The following CENPE variants were observed in gnomAD, a reference collection of about 807,000 sequenced individuals.
CENPE encodes the protein centromere-associated protein E.
Under a neutral mutation model 336.1 loss-of-function variants are expected in CENPE, and 145 were observed. The ratio of observed to expected loss-of-function variants is 0.43; its 90% CI spans 0.38 to 0.50. The LOEUF (loss-of-function observed/expected upper bound fraction) is 0.50. Ranked by LOEUF, CENPE falls within the 20% of genes least tolerant of loss-of-function variation. The pLI, the probability that CENPE is intolerant of heterozygous loss-of-function variation, is 0.00. For missense variants in CENPE, 2,719 were observed against 3,023.3 expected (o/e 0.90, Z 2.36); for synonymous variants, 1,013 against 984.8 (o/e 1.03, Z -0.54).
intron 46 of CENPE, among the ~76,000 whole-genome samples, chr4:103,113,849 G>A (rs573015808): frequency 1.3e-5 from 2 of 151,450 alleles, no homozygotes; most frequent in African/African-American, 4.8e-5. Context: ...GTTCTACTGC[G>A]TAAAGCTATC....
intron 16 of CENPE, among the ~76,000 whole-genome samples, chr4:103,171,831 A>G (rs1018123006): frequency 1.3e-5 from 2 of 151,874 alleles, no homozygotes; most frequent in African/African-American, 4.8e-5. Context: ...TACCACAGAA[A>G]TACAAAGAAC....
At position 103,148,832 on chromosome 4, in the gene CENPE, T is replaced by C; in HGVS notation, c.3843+12A>G. ...AAGAAGTGACAAAGGATGAAAGGAA[T>C]AAAAGACATACCTCTTCTTGTAATT... On this transcript the variant is annotated intron_variant, in intron 28 of 48. Coordinates refer to ENST00000265148, the MANE Select transcript of CENPE (RefSeq NM_001813.3). The C allele has an allele frequency of 6.2e-7, 1 of 1,607,150 alleles. No homozygotes were observed. Among genetic ancestry groups the C allele is most frequent in the Non-Finnish European group, 8.5e-7 (1 of 1,176,230 alleles).
rs374007940 is a variant in CENPE at position 103,151,375 on chromosome 4, G to C, written c.3240C>G (p.Thr1080=). 8 of 1,552,320 alleles carry C rather than the reference G, an allele frequency of 5.2e-6. No homozygotes were observed. The highest frequency in any genetic ancestry group is 6.9e-6 in the Non-Finnish European group (8 of 1,160,074). The part of the protein sequence containing the change: ...KTDLKENIEM[T]IENQEELRLL... ...GTCTTAATTCTTCCTGGTTTTCAAT[G>C]GTCTAGAAAGAAAAAAAAAGTTGAG... The change falls in exon 26 of 49, where the codon ACC becomes ACG. Residue 1080 remains threonine (T), a splice_region_variant and synonymous_variant. Transcript: ENST00000265148.
chr4:103,167,927 A>G (rs928325711), intron 16 of CENPE, among the ~76,000 whole-genome samples: 1 of 152,176 alleles, frequency 6.6e-6, no homozygotes, highest in African/African-American at 2.4e-5. Context: ...TGGACCCAAA[A>G]GTTAGCCTAT....
rs1238095047 is a variant in CENPE, at chr4:103,143,384, A to G, written c.5168T>C (p.Leu1723Pro). 6.2e-7 allele frequency: 1 copy of G among 1,602,748 alleles called. No individual in the cohort carries two copies. Among genetic ancestry groups the G allele is most frequent in the African/African-American group, 1.3e-5 (1 of 74,532 alleles). ...ITRDLEKQEE[L>P]KIVHMHLKEH... The stretch of plus-strand genomic sequence containing the variant: ...CTTCAGATGCATGTGAACAATTTTT[A>G]GCTCCTCTTGTTTTTCTAGGTCCTT... Residue 1723 changes from leucine (L) to proline (P), a missense_variant, in exon 34 of 49, where the codon CTA becomes CCA. Leu to Pro is a moderately conservative substitution (Grantham distance 98). This residue lies in a region of CENPE where 2,437 missense variants were observed against 2,513.3 expected (regional missense o/e 0.97). Coordinates refer to ENST00000265148, the MANE Select transcript of CENPE (RefSeq NM_001813.3).
At chr4:103,182,161 G>A (rs755230796) in intron 11 of CENPE, among the ~76,000 whole-genome samples, 5 of 150,984 alleles carry the variant, frequency 3.3e-5, no homozygotes, top group Non-Finnish European at 7.4e-5. Context: ...GCGCGATCTC[G>A]GCTCACCGCA....
chr4:103,158,653 C>T lies in CENPE; in HGVS notation c.2835G>A (p.Arg945=). The T allele has an allele frequency of 6.2e-7, 1 of 1,609,040 alleles. No homozygotes were observed. The highest frequency in any genetic ancestry group is 8.5e-7 in the Non-Finnish European group (1 of 1,178,474). ...CGTGAATATCACTTTTGAGTTGGTC[C>T]CTCTCAATTTGCAAGCTTTCTTGGA... is the stretch of plus-strand genomic sequence containing the variant. ...KQLQESLQIE[R]DQLKSDIHDT... is the part of the protein sequence containing the mutation. The change falls in exon 23 of 49, where the codon AGG becomes AGA. Residue 945 remains arginine (R), a synonymous_variant. Coordinates refer to ENST00000265148, the MANE Select transcript of CENPE (RefSeq NM_001813.3).
intron 9 of CENPE, among the ~76,000 whole-genome samples, chr4:103,185,518 G>A (rs1239605102): frequency 6.6e-6 from 1 of 151,286 alleles, no homozygotes; most frequent in African/African-American, 2.4e-5. Context: ...TCCTTATTTT[G>A]AAAGTTTAAA....
intron 8 of CENPE, among the ~76,000 whole-genome samples, chr4:103,189,015 C>T (rs1757055407): frequency 6.6e-6 from 1 of 152,178 alleles, no homozygotes; most frequent in African/African-American, 2.4e-5. Context: ...CTATAAACAC[C>T]TCTATGCAAA....
chr4:103,151,488 T>C, intron 25 of CENPE, 111 bp from the exon 26 acceptor site: 1 of 795,886 alleles, frequency 1.3e-6, no homozygotes, highest in Non-Finnish European at 1.8e-6. Flanking sequence ...CAGGGAAAAC[T>C]ATATAGGAAA....
chr4:103,193,928 T>C (rs1271113442), intron 8 of CENPE, among the ~76,000 whole-genome samples: 1 of 152,000 alleles, frequency 6.6e-6, no homozygotes, highest in Admixed American at 6.6e-5. Context: ...TAAATGTGTA[T>C]AGAAAAAAAT....
At chr4:103,164,833 T>C (rs1754770130) in intron 16 of CENPE, among the ~76,000 whole-genome samples, 1 of 152,160 alleles carries the variant, frequency 6.6e-6, no homozygotes, top group African/African-American at 2.4e-5. Context: ...TTAATTTAAA[T>C]TGGCTCCTTC....
At chr4:103,190,879 T>G (rs988301615) in intron 8 of CENPE, among the ~76,000 whole-genome samples, 4 of 151,508 alleles carry the variant, frequency 2.6e-5, no homozygotes, top group African/African-American at 9.7e-5. Flanking sequence ...GGGAGAAAAT[T>G]TTTGCAATCT....
chr4:103,168,412 G>A (rs571980191), intron 16 of CENPE, among the ~76,000 whole-genome samples: 28 of 152,262 alleles, frequency 1.8e-4, no homozygotes, highest in African/African-American at 6.7e-4. Context: ...AGGCCTGCTG[G>A]CTTCCATCAC....
intron 48 of CENPE, among the ~76,000 whole-genome samples, chr4:103,107,302 G>T (rs1748980590): frequency 6.6e-6 from 1 of 152,166 alleles, no homozygotes; most frequent in Non-Finnish European, 1.5e-5. Context: ...AAATGTTTCT[G>T]TGCCTACCTA....
intron 8 of CENPE, among the ~76,000 whole-genome samples, chr4:103,186,694 A>G (rs567846547): frequency 6.6e-6 from 1 of 152,318 alleles, no homozygotes; most frequent in Non-Finnish European, 1.5e-5. Context: ...AAGAAGAGAT[A>G]AAAAGACAAA....
chr4:103,126,373 G>C (rs1444086025), intron 42 of CENPE, among the ~76,000 whole-genome samples: 1 of 152,136 alleles, frequency 6.6e-6, no homozygotes, highest in Non-Finnish European at 1.5e-5. Context: ...TCTGGAGGAG[G>C]GGGAAATACT....
intron 16 of CENPE, among the ~76,000 whole-genome samples, chr4:103,173,141 G>A (rs1210350708): frequency 6.6e-6 from 1 of 151,970 alleles, no homozygotes; most frequent in Non-Finnish European, 1.5e-5. Context: ...AAAATAACAT[G>A]CTACTGGCAT....
At chr4:103,113,947 T>A (rs1167921071) in intron 46 of CENPE, among the ~76,000 whole-genome samples, 1 of 151,960 alleles carries the variant, frequency 6.6e-6, no homozygotes, top group Non-Finnish European at 1.5e-5. Flanking sequence ...GCATGTATAT[T>A]GAGAAATTTG....
Sources: gnomAD v4.1 joint callset for allele counts (sites outside exome capture counted in the v4.1 genomes callset) on GRCh38, gnomAD v4.1.1 for gene constraint, gnomAD v4.1.1 regional missense constraint, MANE v1.5 for transcripts, NCBI Gene and HGNC (gene_info 2026-07-23, HGNC 2026-07-21) for gene names.